The following NAA50 variants were observed in gnomAD, a reference collection of about 807,000 sequenced individuals.
NAA50 encodes N-alpha-acetyltransferase 50, NatE catalytic subunit.
NAA50 carries 7 observed loss-of-function variants against 20.7 expected under a neutral mutation model. That is an observed-to-expected ratio of 0.34 (90% CI 0.19 to 0.63). The LOEUF (loss-of-function observed/expected upper bound fraction) is 0.63, where lower values mean the gene tolerates loss of function less well. Among genes scored for constraint, NAA50 ranks in the 30% least tolerant of loss-of-function variants. The pLI is 0.75. For missense variants in NAA50, 111 were observed against 199.1 expected, an observed-to-expected ratio of 0.56 and a Z score of 2.66; for synonymous variants, 54 against 70.6, an observed-to-expected ratio of 0.77 and a Z score of 1.18.
chr3:113,733,661 G>C (rs1002949204), intron 1 of NAA50, among the ~76,000 whole-genome samples: 1 of 151,764 alleles, frequency 6.6e-6, no homozygotes, highest in African/African-American at 2.4e-5. Flanking sequence ...AGACCAGCCT[G>C]GCCAACATGG....
In NAA50 at chr3:113,723,456, T is replaced by C. The variant is rs34769551; in HGVS notation, c.231A>G (p.Leu77=). The change falls in exon 3 of 5, where the codon CTA becomes CTG. Residue 77 remains leucine (L), a synonymous_variant. Coordinates refer to ENST00000240922, the MANE Select transcript of NAA50 (RefSeq NM_025146.4). ...QNQKRLYIMT[L]GCLAPYRRLG... is the part of the protein sequence containing the mutation. ...GCCTTCGGTAAGGTGCCAGACATCC[T>C]AGTGTCATGATGTAAAGTCTCTTCT... 0.011 allele frequency: 17,063 copies of C among 1,612,782 alleles called. 116 individuals are homozygous for C. Among genetic ancestry groups the C allele is most frequent in the Non-Finnish European group, 0.013 (15,656 of 1,179,220 alleles).
At chr3:113,733,419 G>A (rs1441556690) in intron 1 of NAA50, among the ~76,000 whole-genome samples, 1 of 151,472 alleles carries the variant, frequency 6.6e-6, no homozygotes, top group African/African-American at 2.4e-5. Flanking sequence ...GAACCTTTCT[G>A]GATTCTAATG....
rs1271424901 is a variant in NAA50 at position 113,719,505 on chromosome 3, G to A, written c.*2255C>T. The A allele has an allele frequency of 6.6e-6, 1 of 152,532 alleles. No homozygotes were observed. The highest frequency in any genetic ancestry group is 2.4e-5 in the African/African-American group (1 of 41,432). The allele number at this position is 152,532 out of a possible 1,614,324, so 9.4% of individuals were successfully genotyped here. A position where few individuals can be genotyped will look rare whatever the true frequency, so the allele number is the denominator to read the frequency against. On this transcript the variant is annotated 3_prime_UTR_variant, in exon 5 of 5. Coordinates refer to ENST00000240922, the MANE Select transcript of NAA50 (RefSeq NM_025146.4). ...TACTGACTCATAGGCATATGAACTTGTGCCCAGCTTTTTACCTCTTCCACA... is the reference window on the plus strand; with the variant it reads ...TACTGACTCATAGGCATATGAACTTATGCCCAGCTTTTTACCTCTTCCACA...
At chr3:113,733,361 G>A (rs989984807) in intron 1 of NAA50, among the ~76,000 whole-genome samples, 2 of 151,518 alleles carry the variant, frequency 1.3e-5, no homozygotes, top group Non-Finnish European at 2.9e-5. Flanking sequence ...AATTAGTGGA[G>A]GAACTATTAG....
intron 1 of NAA50, among the ~76,000 whole-genome samples, chr3:113,740,067 A>C (rs1327432137): frequency 6.6e-6 from 1 of 152,180 alleles, no homozygotes; most frequent in Non-Finnish European, 1.5e-5. Context: ...GAAATCATTT[A>C]AACATGTAGT....
At position 113,718,531 on chromosome 3, in the gene NAA50, T is replaced by A. The variant is rs1275691293; in HGVS notation, c.*3229A>T. ...TGACTAGAAATATTAAATACTGAATTCTGTTAAAGAAAAAATCTTAAATTC... is the reference window on the plus strand; with the variant it reads ...TGACTAGAAATATTAAATACTGAATACTGTTAAAGAAAAAATCTTAAATTC... On this transcript the variant is annotated 3_prime_UTR_variant, in exon 5 of 5. Coordinates refer to ENST00000240922, the MANE Select transcript of NAA50 (RefSeq NM_025146.4). 6.6e-6 allele frequency: 1 copy of A among 152,210 alleles called. No individual in the cohort carries two copies. Among genetic ancestry groups the A allele is most frequent in the Non-Finnish European group, 1.5e-5 (1 of 68,034 alleles). 9.4% of individuals were successfully genotyped at this position (152,210 alleles called of 1,614,324 possible).
chr3:113,744,144 TAA>T (rs1708458064), intron 1 of NAA50, among the ~76,000 whole-genome samples: 1 of 151,888 alleles, frequency 6.6e-6, no homozygotes, highest in African/African-American at 2.4e-5. Context: ...CAAAAATGAG[TAA>T]GAGTCAGCAA....
chr3:113,735,131 G>A (rs1339054576), intron 1 of NAA50, among the ~76,000 whole-genome samples: 3 of 152,140 alleles, frequency 2.0e-5, no homozygotes, highest in Admixed American at 2.0e-4. Context: ...GAAGGTCAAA[G>A]AAAAGAATGT....
chr3:113,727,615 T>G (rs985241806), intron 1 of NAA50, among the ~76,000 whole-genome samples: 1 of 150,376 alleles, frequency 6.6e-6, no homozygotes, highest in African/African-American at 2.4e-5. Flanking sequence ...CCCTAACTAA[T>G]TAAAAAAATA....
At position 113,723,699 on chromosome 3, in the gene NAA50, G is replaced by A. The variant is rs1708164014; in HGVS notation, c.146-158C>T. 3 of 938,930 alleles carry A rather than the reference G, an allele frequency of 3.2e-6. No homozygotes were observed. The East Asian group carries it at 8.0e-5, about 25-fold the overall frequency. 58.2% of individuals were successfully genotyped at this position (938,930 alleles called of 1,614,324 possible). ...CAAAGCTCTTATGCCATCTTAGGAA[G>A]TTTAAGCCTCCTCTAGAGTATAGCT... On this transcript the variant is annotated intron_variant, in intron 2 of 4. Transcript: ENST00000240922.
Position 113,720,968 on chromosome 3 carries a change from G to A in NAA50, c.*792C>T, listed in dbSNP as rs772085515. The A allele has an allele frequency of 1.3e-5, 2 of 152,052 alleles. No homozygotes were observed. Among genetic ancestry groups the A allele is most frequent in the Non-Finnish European group, 2.9e-5 (2 of 67,906 alleles). 9.4% of individuals were successfully genotyped at this position (152,052 alleles called of 1,614,324 possible). A position where few individuals can be genotyped will look rare whatever the true frequency, so the allele number is the denominator to read the frequency against. On this transcript the variant is annotated 3_prime_UTR_variant, in exon 5 of 5. Transcript: ENST00000240922. Reference sequence around the variant, plus strand: ...ATTAAATCACAACACACCTCTTTAGGTCAGTTAAAGGCCATATCTCTAGCT... The same window carrying A: ...ATTAAATCACAACACACCTCTTTAGATCAGTTAAAGGCCATATCTCTAGCT...
chr3:113,717,714 A>AC lies in NAA50; in HGVS notation c.*4045dup, dbSNP rs554684369. 3.9e-5 allele frequency: 6 copies of AC among 152,356 alleles called. No homozygotes were observed. In the South Asian group the frequency reaches 1.2e-3, roughly 32 times the overall value. 9.4% of individuals were successfully genotyped at this position (152,356 alleles called of 1,614,324 possible). A position where few individuals can be genotyped will look rare whatever the true frequency, so the allele number is the denominator to read the frequency against. On this transcript the variant is annotated 3_prime_UTR_variant, in exon 5 of 5. Transcript: ENST00000240922. Reference sequence around the variant, plus strand: ...TGAGAACAGCATCAGTCTGAGACAGACTAGTCTCCCCTCCCCACTGAAAAC... The same window carrying AC: ...TGAGAACAGCATCAGTCTGAGACAGACCTAGTCTCCCCTCCCCACTGAAAAC...
intron 1 of NAA50, among the ~76,000 whole-genome samples, chr3:113,732,230 G>A (rs1364422253): frequency 6.6e-6 from 1 of 152,142 alleles, no homozygotes; most frequent in African/African-American, 2.4e-5. Flanking sequence ...AAACAGAGGA[G>A]ATATGACAAC....
intron 1 of NAA50, among the ~76,000 whole-genome samples, chr3:113,737,436 A>G (rs1443056534): frequency 6.6e-6 from 1 of 152,224 alleles, no homozygotes; most frequent in Non-Finnish European, 1.5e-5. Context: ...TTTATCACAC[A>G]GTTTCAACAC....
chr3:113,743,951 G>A (rs1559743665), intron 1 of NAA50, among the ~76,000 whole-genome samples: 1 of 152,150 alleles, frequency 6.6e-6, no homozygotes, highest in Non-Finnish European at 1.5e-5. Flanking sequence ...TTATGTATCA[G>A]AAAGAACATC....
intron 1 of NAA50, among the ~76,000 whole-genome samples, chr3:113,728,628 A>G (rs140570596): frequency 1.1e-4 from 16 of 152,322 alleles, no homozygotes; most frequent in African/African-American, 3.8e-4. Context: ...AAAAAGAACC[A>G]ATTTTATGAC....
chr3:113,741,062 A>ACAAGC, intron 1 of NAA50: 1 of 505,254 alleles, frequency 2.0e-6, no homozygotes, highest in East Asian at 5.3e-5. Flanking sequence ...TCTGAACTGA[A>ACAAGC]CAAGCTGTCC....
At chr3:113,735,345 T>C (rs573218953) in intron 1 of NAA50, among the ~76,000 whole-genome samples, 1 of 152,354 alleles carries the variant, frequency 6.6e-6, no homozygotes, top group African/African-American at 2.4e-5. Flanking sequence ...AGCTTTACTT[T>C]TGTAATTAAG....
chr3:113,745,369 ATC>A (rs1559744245), intron 1 of NAA50, among the ~76,000 whole-genome samples: 1 of 152,242 alleles, frequency 6.6e-6, no homozygotes, highest in Non-Finnish European at 1.5e-5. Flanking sequence ...GTCTACAGTG[ATC>A]GCGCTCTCTC....
Sources: gnomAD v4.1 joint callset for allele counts (sites outside exome capture counted in the v4.1 genomes callset) on GRCh38, gnomAD v4.1.1 for gene constraint, MANE v1.5 for transcripts, NCBI Gene and HGNC (gene_info 2026-07-23, HGNC 2026-07-21) for gene names.